SLC6A9: variants seen among roughly 807,000 people sequenced by gnomAD.
SLC6A9 encodes sodium- and chloride-dependent glycine transporter 1.
Under a neutral mutation model 70.9 loss-of-function variants are expected in SLC6A9, and 31 were observed. The observed-to-expected ratio is 0.44, with a 90% CI of 0.33 to 0.59. SLC6A9 has a LOEUF of 0.59. Among genes scored for constraint, SLC6A9 ranks in the 20% least tolerant of loss-of-function variants. SLC6A9 has a pLI of 0.04. For synonymous variants in SLC6A9, 310 were observed against 341.3 expected (o/e 0.91, Z 1.01); for missense variants, 631 against 845.2 (o/e 0.75, Z 3.14).
chr1:44,023,677 C>T (rs772132589), intron 2 of SLC6A9, among the ~76,000 whole-genome samples: 7 of 151,956 alleles, frequency 4.6e-5, no homozygotes, highest in Non-Finnish European at 1.0e-4. Flanking sequence ...GAATCTCATC[C>T]ACCCCTCTGT....
chr1:44,015,220 C>T (rs2086700769), intron 2 of SLC6A9, among the ~76,000 whole-genome samples: 2 of 152,218 alleles, frequency 1.3e-5, no homozygotes, highest in Non-Finnish European at 2.9e-5. Flanking sequence ...CCCCAGGATG[C>T]ACTCCTGCCT....
At chr1:44,017,437 G>T in intron 2 of SLC6A9, 1 of 1,063,836 alleles carries the variant, frequency 9.4e-7, no homozygotes, top group Non-Finnish European at 1.2e-6. Context: ...CGAGAGGGTG[G>T]CTCACTCCCC....
At chr1:44,009,332 G>A (rs571764492) in intron 4 of SLC6A9, among the ~76,000 whole-genome samples, 7 of 151,360 alleles carry the variant, frequency 4.6e-5, no homozygotes, top group African/African-American at 1.2e-4. Context: ...CCATTCTCCC[G>A]CCTCAGCCCC....
intron 2 of SLC6A9, among the ~76,000 whole-genome samples, chr1:44,022,059 C>G (rs886360372): frequency 2.6e-5 from 4 of 152,234 alleles, no homozygotes; most frequent in Non-Finnish European, 5.9e-5. Context: ...GGGAGGAGAG[C>G]GAGCCCCAGC....
chr1:44,005,875 G>A (rs553976730), intron 5 of SLC6A9, among the ~76,000 whole-genome samples: 1 of 152,364 alleles, frequency 6.6e-6, no homozygotes, highest in Admixed American at 6.5e-5. Context: ...TCCCGCATGG[G>A]ACAGTGGCCA....
chr1:44,002,831 C>T lies in SLC6A9; in HGVS notation c.723+22G>A, dbSNP rs562227288. ...AGGGTCTTTCTGGGTGGGCACAGAC[C>T]CTGCTGGGGAGGGGTACTTGCTTTC... On this transcript the variant is annotated intron_variant, in intron 6 of 13. Transcript: ENST00000372310. This position sits in a 1 kb window ranked among gnomAD's most constrained non-coding sequence, Gnocchi z 5.5. 3 of 1,613,760 alleles carry T rather than the reference C, an allele frequency of 1.9e-6. No individual in the cohort carries two copies. Among genetic ancestry groups the T allele is most frequent in the Admixed American group, 1.7e-5 (1 of 60,016 alleles).
In SLC6A9 at chr1:44,010,744, A is replaced by G; in HGVS notation, c.169T>C (p.Cys57Arg). ...TGGGTACCTCCCCCGTTGCGATAGC[A>G]GAGGTATGGGAAGCGCCAGACATTG... ...LGNVWRFPYL[C>R]YRNGGGAFMF... The change falls in exon 3 of 14, where the codon TGC (cysteine) becomes CGC (arginine). Residue 57 changes from cysteine (C) to arginine (R), a missense_variant. By Grantham distance (180) the Cys-to-Arg change is radical. Coordinates refer to ENST00000372310, the MANE Select transcript of SLC6A9 (RefSeq NM_001024845.3). 1 of 1,613,776 alleles carries G rather than the reference A, an allele frequency of 6.2e-7. No individual in the cohort carries two copies. Among genetic ancestry groups the G allele is most frequent in the Non-Finnish European group, 8.5e-7 (1 of 1,179,746 alleles).
intron 1 of SLC6A9, among the ~76,000 whole-genome samples, chr1:44,028,165 AAGAG>A (rs1224618850): frequency 6.6e-6 from 1 of 152,158 alleles, no homozygotes; most frequent in Non-Finnish European, 1.5e-5. Flanking sequence ...AGAGAAGAGG[AAGAG>A]AGAGTCAAGC....
intron 1 of SLC6A9, among the ~76,000 whole-genome samples, chr1:44,026,373 T>C (rs928257154): frequency 2.0e-5 from 3 of 152,176 alleles, no homozygotes; most frequent in Admixed American, 6.5e-5. Flanking sequence ...GAAAGAGCCA[T>C]GTCAGCTGGA....
chr1:43,997,517 GGTGGGGCCACTCCCCTGGC>G lies in SLC6A9; in HGVS notation c.*9_*27del, dbSNP rs1339865582. The stretch of plus-strand genomic sequence containing the variant: ...CTCTGCGGTGGGAGCACGGGGTGGG[GGTGGGGCCACTCCCCTGGC>G]AGCTGTGCTCATATCCGGGAGTCCT... On this transcript the variant is annotated 3_prime_UTR_variant, in exon 14 of 14. Coordinates refer to ENST00000372310, the MANE Select transcript of SLC6A9 (RefSeq NM_001024845.3). This position sits in a 1 kb window ranked among gnomAD's most constrained non-coding sequence, Gnocchi z 4.4. 1.7e-5 allele frequency: 27 copies of G among 1,594,860 alleles called. No individual in the cohort carries two copies. The highest frequency in any genetic ancestry group is 2.3e-5 in the Non-Finnish European group (27 of 1,164,896).
chr1:44,028,173 G>C (rs1331750742), intron 1 of SLC6A9, among the ~76,000 whole-genome samples: 1 of 152,126 alleles, frequency 6.6e-6, no homozygotes, highest in African/African-American at 2.4e-5. Context: ...GGAAGAGAGA[G>C]TCAAGCAAAT....
intron 12 of SLC6A9, among the ~76,000 whole-genome samples, chr1:43,998,465 A>AT (rs2085965942): frequency 6.6e-6 from 1 of 152,090 alleles, no homozygotes; most frequent in South Asian, 2.1e-4. Context: ...CCCACTCTTC[A>AT]TTTATTCTGG....
intron 2 of SLC6A9, among the ~76,000 whole-genome samples, chr1:44,019,708 G>A (rs2086845109): frequency 6.6e-6 from 1 of 152,258 alleles, no homozygotes; most frequent in Non-Finnish European, 1.5e-5. Context: ...CCTCATTAGC[G>A]AGATCCAGCT....
At position 44,001,527 on chromosome 1, in the gene SLC6A9, C is replaced by T. The variant is rs771959344; in HGVS notation, c.1063G>A (p.Asp355Asn). 1.2e-6 allele frequency: 2 copies of T among 1,614,126 alleles called. No individual in the cohort carries two copies. Among genetic ancestry groups the T allele is most frequent in the East Asian group, 2.2e-5 (1 of 44,902 alleles). The change falls in exon 9 of 14, where the codon GAT becomes AAT. Residue 355 changes from aspartate to asparagine, a missense_variant. Coordinates refer to ENST00000372310, the MANE Select transcript of SLC6A9 (RefSeq NM_001024845.3). ...LGFMANHLGVDVSRVADHGPG... is the reference protein window; with the variant it reads ...LGFMANHLGVNVSRVADHGPG... ...CCGTGGTCTGCCACACGGGACACAT[C>T]CACGCCCAGGTGATTGGCCATGAAG...
intron 5 of SLC6A9, among the ~76,000 whole-genome samples, chr1:44,006,586 CAAAAAAAAAAAAAAA>C (rs34759206): frequency 3.0e-5 from 2 of 67,602 alleles, no homozygotes; most frequent in Non-Finnish European, 4.9e-5. Context: ...GATTCTGTCT[CAAAAAAAAAAAAAAA>C]AAAAAAAAAG....
At position 44,018,631 on chromosome 1, in the gene SLC6A9, AATAAT is replaced by A. The variant is rs1553164020; in HGVS notation, c.30+5612_30+5616del. ...TAATAATAATAATAATAATAATAAT[AATAAT>A]AAATAAAAATAAAAAGACAGGTGGG... On this transcript the variant is annotated intron_variant, in intron 2 of 13. Transcript: ENST00000372310. This position sits in a 1 kb window ranked among gnomAD's most constrained non-coding sequence, Gnocchi z 4.2. Among the ~76,000 whole-genome samples, 31 of 144,446 alleles carry A rather than the reference AATAAT, an allele frequency of 2.1e-4. No individual in the cohort carries two copies. In the South Asian group the frequency reaches 4.1e-3, roughly 19 times the overall value. The allele number at this position is 144,446 out of a possible 152,430, so 94.8% of individuals were successfully genotyped here.
intron 3 of SLC6A9, 63 bp downstream of exon 3, chr1:44,010,663 C>T: frequency 6.5e-7 from 1 of 1,531,612 alleles, no homozygotes; most frequent in South Asian, 1.2e-5. Context: ...GAGAGGGTGG[C>T]CCAGGCCCTG....
At chr1:44,010,205 G>GCTT (rs2086495694) in intron 3 of SLC6A9, 109 bp from the exon 4 acceptor site, 2 of 1,227,422 alleles carry the variant, frequency 1.6e-6, no homozygotes, top group Admixed American at 4.2e-5. Flanking sequence ...TAGGACCCAG[G>GCTT]GAGGAGTGTG....
intron 2 of SLC6A9, chr1:44,014,594 A>G (rs2086679524): frequency 6.6e-6 from 1 of 151,638 alleles, no homozygotes. Context: ...TAGCTGGGAG[A>G]GCCACACTGA....
Sources: gnomAD v4.1 joint callset for allele counts (sites outside exome capture counted in the v4.1 genomes callset) on GRCh38, gnomAD v4.1.1 for gene constraint, Gnocchi (gnomAD v3.1) non-coding constraint, MANE v1.5 for transcripts, NCBI Gene and HGNC (gene_info 2026-07-23, HGNC 2026-07-21) for gene names.